Variants in PHACTR3 observed in about 807,000 individuals in gnomAD.
The protein encoded by PHACTR3 is phosphatase and actin regulator 3.
PHACTR3 carries 16 observed loss-of-function variants against 66.8 expected under a neutral mutation model. The ratio of observed to expected loss-of-function variants is 0.24; its 90% CI spans 0.16 to 0.36. The LOEUF (loss-of-function observed/expected upper bound fraction) is 0.36, where lower values mean the gene tolerates loss of function less well. Among genes scored for constraint, PHACTR3 ranks in the 10% least tolerant of loss-of-function variants. The probability of loss-of-function intolerance (pLI) is 1.00; values close to 1 mark genes in which losing one functional copy is unlikely to be tolerated. For missense variants in PHACTR3, 647 were observed against 719.9 expected, an observed-to-expected ratio of 0.90 and a Z score of 1.16; for synonymous variants, 323 against 292.1, an observed-to-expected ratio of 1.11 and a Z score of -1.08.
chr20:59,668,870 TTTTTATTTTATTTTATTTTA>T (rs76833383), intron 1 of PHACTR3, among the ~76,000 whole-genome samples: 21 of 138,678 alleles, frequency 1.5e-4, no homozygotes, highest in South Asian at 7.3e-4. Context: ...ACAGCTAATT[TTTTTATTTTATTTTATTTTA>T]TTTTATTTTA....
At chr20:59,593,290 T>C (rs2033238197) in intron 1 of PHACTR3, among the ~76,000 whole-genome samples, 1 of 152,232 alleles carries the variant, frequency 6.6e-6, no homozygotes, top group South Asian at 2.1e-4. Context: ...CTACTTAGCA[T>C]CTGTAGGTTA....
rs767996840 is a variant in PHACTR3, at chr20:59,755,297, G to T, written c.474G>T (p.Leu158Phe). The T allele has an allele frequency of 6.2e-7, 1 of 1,613,364 alleles. No homozygotes were observed. Among genetic ancestry groups the T allele is most frequent in the Non-Finnish European group, 8.5e-7 (1 of 1,179,984 alleles). ...AAGATGCCCAGCCCGGAAGCCCCTT[G>T]GCCACTGGGACGGACCAGGTCTCCC... The part of the protein sequence containing the change: ...TSEDAQPGSP[L>F]ATGTDQVSLD... The change falls in exon 4 of 13, where the codon TTG becomes TTT. Residue 158 changes from leucine (L) to phenylalanine (F), a missense_variant. Around this residue, in one of 2 missense-constraint regions of PHACTR3, gnomAD observed 577 missense variants for 571.1 expected, o/e 1.01. Coordinates refer to ENST00000371015, the MANE Select transcript of PHACTR3 (RefSeq NM_080672.5).
rs373792570 is a variant in PHACTR3, at chr20:59,792,014, T to A, written c.1175-14027T>A. ...AGACTGATGTGAGATCTGCCTCCTC[T>A]TCTTTGTCCCTTTCCTGTCTCCCCA... On this transcript the variant is annotated intron_variant, in intron 7 of 12. Coordinates refer to ENST00000371015, the MANE Select transcript of PHACTR3 (RefSeq NM_080672.5). Among the ~76,000 whole-genome samples the A allele has an allele frequency of 2.6e-5, 4 of 152,254 alleles. No individual in the cohort carries two copies. The East Asian group carries it at 5.8e-4, about 22-fold the overall frequency.
chr20:59,597,747 G>A (rs565004807), intron 1 of PHACTR3, among the ~76,000 whole-genome samples: 4 of 152,356 alleles, frequency 2.6e-5, no homozygotes, highest in African/African-American at 7.2e-5. Flanking sequence ...ACAGGTGCAA[G>A]GTCTTTCTCT....
chr20:59,792,036 C>T (rs1218506099), intron 7 of PHACTR3, among the ~76,000 whole-genome samples: 1 of 152,046 alleles, frequency 6.6e-6, no homozygotes, highest in Non-Finnish European at 1.5e-5. Flanking sequence ...TTCCTGTCTC[C>T]CCACTCACCT....
chr20:59,584,301 T>G (rs1309437007), intron 1 of PHACTR3, among the ~76,000 whole-genome samples: 2 of 151,248 alleles, frequency 1.3e-5, no homozygotes, highest in African/African-American at 4.9e-5. Flanking sequence ...TACGTGCCTG[T>G]GTGTGACTGT....
chr20:59,769,029 C>T (rs1049030268), intron 5 of PHACTR3, among the ~76,000 whole-genome samples: 1 of 152,216 alleles, frequency 6.6e-6, no homozygotes, highest in African/African-American at 2.4e-5. Context: ...CCCCCGCCAC[C>T]CCACCACCCT....
intron 4 of PHACTR3, among the ~76,000 whole-genome samples, chr20:59,758,080 C>T (rs1167322029): frequency 6.6e-6 from 1 of 152,110 alleles, no homozygotes; most frequent in Non-Finnish European, 1.5e-5. Flanking sequence ...ATGGGATTTG[C>T]CTTGTAGGAA....
chr20:59,646,310 A>T (rs985688249), intron 1 of PHACTR3, among the ~76,000 whole-genome samples: 1 of 152,222 alleles, frequency 6.6e-6, no homozygotes, highest in African/African-American at 2.4e-5. Context: ...TGTTTTAAAA[A>T]ATTGGGTTGG....
chr20:59,847,215 CA>C lies in PHACTR3; in HGVS notation c.*87del. 1.0e-6 allele frequency: 1 copy of C among 975,996 alleles called. No individual in the cohort carries two copies. The highest frequency in any genetic ancestry group is 1.6e-6 in the Non-Finnish European group (1 of 622,590). The allele number at this position is 975,996 out of a possible 1,614,324, so 60.5% of individuals were successfully genotyped here. A position where few individuals can be genotyped will look rare whatever the true frequency, so the allele number is the denominator to read the frequency against. On this transcript the variant is annotated 3_prime_UTR_variant, in exon 13 of 13. Coordinates refer to ENST00000371015, the MANE Select transcript of PHACTR3 (RefSeq NM_080672.5). ...CAGGGAACTTTCCTGAAGTTCAGCTCAAGACTACCCTACCTGCTGTGTTTGT... is the reference window on the plus strand; with the variant it reads ...CAGGGAACTTTCCTGAAGTTCAGCTCAGACTACCCTACCTGCTGTGTTTGT...
intron 1 of PHACTR3, among the ~76,000 whole-genome samples, chr20:59,606,062 A>G (rs2033658655): frequency 6.6e-6 from 1 of 152,244 alleles, no homozygotes; most frequent in Admixed American, 6.5e-5. Flanking sequence ...GAGAAGCACA[A>G]TTCCTTCGTA....
rs150696360 is a variant in PHACTR3, at chr20:59,806,159, G to C, written c.1293G>C (p.Gln431His). 3.3e-5 allele frequency: 54 copies of C among 1,614,098 alleles called. No individual in the cohort carries two copies. The highest frequency in any genetic ancestry group is 4.5e-5 in the Non-Finnish European group (53 of 1,180,048). Residue 431 changes from glutamine to histidine, a missense_variant, in exon 8 of 13, where the codon CAG (glutamine) becomes CAC (histidine). Gln to His is a conservative substitution (Grantham distance 24). Coordinates refer to ENST00000371015, the MANE Select transcript of PHACTR3 (RefSeq NM_080672.5). ...CCAGAAGGACTGATGAAGAAAGACA[G>C]GAGATCCGGCAGCAGATCGAGATGA... ...IFPRRTDEER[Q>H]EIRQQIEMKL...
At chr20:59,666,021 G>A (rs970566752) in intron 1 of PHACTR3, among the ~76,000 whole-genome samples, 3 of 152,252 alleles carry the variant, frequency 2.0e-5, no homozygotes, top group Admixed American at 6.5e-5. Flanking sequence ...GAGAGGACTG[G>A]GGCCCAGGGG....
At chr20:59,669,423 C>G (rs994057098) in intron 1 of PHACTR3, among the ~76,000 whole-genome samples, 4 of 152,218 alleles carry the variant, frequency 2.6e-5, no homozygotes, top group African/African-American at 9.6e-5. Context: ...GATCCATGGC[C>G]AAGCTGCCTT....
intron 7 of PHACTR3, among the ~76,000 whole-genome samples, chr20:59,798,449 T>C (rs916370856): frequency 6.6e-6 from 1 of 152,250 alleles, no homozygotes; most frequent in African/African-American, 2.4e-5. Flanking sequence ...ATTCTCTAAA[T>C]GTTTTGTAGA....
chr20:59,750,520 G>A (rs2039540360), intron 3 of PHACTR3, among the ~76,000 whole-genome samples: 1 of 152,134 alleles, frequency 6.6e-6, no homozygotes, highest in African/African-American at 2.4e-5. Context: ...AAGGGACCTT[G>A]AGATGGTGGG....
chr20:59,612,248 G>T (rs558404329), intron 1 of PHACTR3, among the ~76,000 whole-genome samples: 11 of 152,298 alleles, frequency 7.2e-5, no homozygotes, highest in Admixed American at 5.9e-4. Flanking sequence ...AAACTGCAGC[G>T]TCTGCAGGGC....
chr20:59,693,003 C>T (rs1165188707), intron 1 of PHACTR3, among the ~76,000 whole-genome samples: 2 of 152,134 alleles, frequency 1.3e-5, no homozygotes, highest in South Asian at 2.1e-4. Flanking sequence ...ATATATGGTG[C>T]GTGGCTGTCT....
At chr20:59,752,134 A>G (rs1601264841) in intron 3 of PHACTR3, among the ~76,000 whole-genome samples, 1 of 152,320 alleles carries the variant, frequency 6.6e-6, no homozygotes, top group East Asian at 1.9e-4. Flanking sequence ...GACAGTGACA[A>G]ATCAAGTCTA....
Sources: gnomAD v4.1 joint callset for allele counts (sites outside exome capture counted in the v4.1 genomes callset) on GRCh38, gnomAD v4.1.1 for gene constraint, gnomAD v4.1.1 regional missense constraint, MANE v1.5 for transcripts, NCBI Gene and HGNC (gene_info 2026-07-23, HGNC 2026-07-21) for gene names.